CSMD1: variants seen among roughly 807,000 people sequenced by gnomAD.
CSMD1 encodes the protein CUB and Sushi multiple domains 1.
Under a neutral mutation model 417.5 loss-of-function variants are expected in CSMD1, and 213 were observed. That is an observed-to-expected ratio of 0.51 (90% CI 0.46 to 0.57). CSMD1 has a LOEUF of 0.57. Ranked by LOEUF, CSMD1 falls within the 20% of genes least tolerant of loss-of-function variation. CSMD1 has a pLI of 0.00. For missense variants in CSMD1, 6,923 were observed against 4,529.7 expected, an observed-to-expected ratio of 1.53 and a Z score of -15.17; for synonymous variants, 2,862 against 1,736.8, an observed-to-expected ratio of 1.65 and a Z score of -16.11.
intron 5 of CSMD1, among the ~76,000 whole-genome samples, chr8:3,980,821 T>A (rs758275504): frequency 1.3e-5 from 2 of 152,162 alleles, no homozygotes; most frequent in Non-Finnish European, 2.9e-5. Context: ...ACCACTAATG[T>A]CCCCACTCCC....
chr8:3,574,987 A>T lies in CSMD1; in HGVS notation c.1302T>A (p.Asn434Lys). Residue 434 changes from asparagine (N) to lysine (K), a missense_variant, in exon 10 of 70, where the codon AAT becomes AAA. Transcript: ENST00000635120. ...TGGTGATGACCCACACACAGTGTGC[A>T]TTATCTTCATACTGAACCGGATAAT... ...SPNYPVQYED[N>K]AHCVWVITTT... The T allele has an allele frequency of 1.2e-6, 2 of 1,613,146 alleles. No homozygotes were observed. Among genetic ancestry groups the T allele is most frequent in the South Asian group, 1.1e-5 (1 of 91,032 alleles).
intron 2 of CSMD1, among the ~76,000 whole-genome samples, chr8:4,491,517 C>A (rs1801700309): frequency 6.6e-6 from 1 of 152,060 alleles, no homozygotes; most frequent in Non-Finnish European, 1.5e-5. Context: ...CCTCCTTCCT[C>A]CCACATTTCA....
intron 5 of CSMD1, among the ~76,000 whole-genome samples, chr8:3,839,167 C>T (rs1802931152): frequency 8.0e-6 from 1 of 125,004 alleles, no homozygotes; most frequent in Admixed American, 1.0e-4. Context: ...TAGTCCCTCT[C>T]TCTATATATT....
chr8:3,145,012 T>C lies in CSMD1; in HGVS notation c.6032-2338A>G, dbSNP rs181570722. ...CCCACAAATCTAATAAGAATGAATCTTGTTACTAATAAGTAAACTAGAGTA... is the reference window on the plus strand; with the variant it reads ...CCCACAAATCTAATAAGAATGAATCCTGTTACTAATAAGTAAACTAGAGTA... On this transcript the variant is annotated intron_variant, in intron 40 of 69. Transcript: ENST00000635120. Among the ~76,000 whole-genome samples the C allele has an allele frequency of 4.4e-4, 67 of 152,032 alleles. 2 individuals carry two copies. The East Asian group carries it at 7.3e-3, about 17-fold the overall frequency.
chr8:3,769,313 T>C (rs1323747576), intron 5 of CSMD1, among the ~76,000 whole-genome samples: 2 of 151,996 alleles, frequency 1.3e-5, no homozygotes, highest in African/African-American at 4.8e-5. Flanking sequence ...TAAAATCATT[T>C]TGAGAAAAAT....
chr8:3,227,403 C>G (rs1403632215), intron 27 of CSMD1, among the ~76,000 whole-genome samples: 1 of 151,978 alleles, frequency 6.6e-6, no homozygotes, highest in Non-Finnish European at 1.5e-5. Flanking sequence ...ACCTCAAAAA[C>G]AAAACAAAAC....
At chr8:3,137,570 T>C (rs987523832) in intron 41 of CSMD1, among the ~76,000 whole-genome samples, 9 of 152,218 alleles carry the variant, frequency 5.9e-5, no homozygotes, top group African/African-American at 2.2e-4. Context: ...GTCCCTTGGC[T>C]TTTGCAGGTG....
At chr8:4,478,110 G>T (rs1800899290) in intron 2 of CSMD1, among the ~76,000 whole-genome samples, 1 of 151,994 alleles carries the variant, frequency 6.6e-6, no homozygotes, top group Admixed American at 6.6e-5. Flanking sequence ...ACCTACCCCT[G>T]GCTGTTACGT....
At chr8:4,924,319 T>A (rs138951947) in intron 1 of CSMD1, among the ~76,000 whole-genome samples, 1 of 152,256 alleles carries the variant, frequency 6.6e-6, no homozygotes, top group African/African-American at 2.4e-5. Context: ...ATTATGTTCA[T>A]GTAAAATGAA....
At chr8:4,277,303 C>T (rs950410116) in intron 3 of CSMD1, among the ~76,000 whole-genome samples, 1 of 151,880 alleles carries the variant, frequency 6.6e-6, no homozygotes, top group Non-Finnish European at 1.5e-5. Context: ...CTTAAAAATC[C>T]ACTGAAGGGA....
intron 3 of CSMD1, among the ~76,000 whole-genome samples, chr8:4,369,238 A>G (rs1328861581): frequency 6.6e-6 from 1 of 152,114 alleles, no homozygotes; most frequent in African/African-American, 2.4e-5. Context: ...TTCAACTTCC[A>G]TGTAATTGTA....
intron 1 of CSMD1, among the ~76,000 whole-genome samples, chr8:4,963,734 A>T (rs985935428): frequency 6.6e-6 from 1 of 152,102 alleles, no homozygotes; most frequent in African/African-American, 2.4e-5. Context: ...TTAACACTCA[A>T]CTCAAGTTTT....
rs549301315 is a variant in CSMD1 at position 4,064,337 on chromosome 8, G to C, written c.416-32238C>G. 5.9e-5 allele frequency among the ~76,000 whole-genome samples: 9 copies of C among 152,274 alleles called. No homozygotes were observed. In the South Asian group the frequency reaches 1.9e-3, roughly 32 times the overall value. ...TCCATATGGTGTTTCATAGTCACCTGCTCTCTTTCACAAATTGTATCTCTG... is the reference window on the plus strand; with the variant it reads ...TCCATATGGTGTTTCATAGTCACCTCCTCTCTTTCACAAATTGTATCTCTG... On this transcript the variant is annotated intron_variant, in intron 3 of 69. Coordinates refer to ENST00000635120, the MANE Select transcript of CSMD1 (RefSeq NM_033225.6).
intron 26 of CSMD1, among the ~76,000 whole-genome samples, chr8:3,253,505 G>C (rs147704110): frequency 0.085 from 12,950 of 152,150 alleles, 636 homozygotes; most frequent in Admixed American, 0.13. Flanking sequence ...TGTATATTCT[G>C]TTGATTTGGG....
intron 18 of CSMD1, among the ~76,000 whole-genome samples, chr8:3,371,800 A>C (rs1467574282): frequency 6.6e-6 from 1 of 152,218 alleles, no homozygotes; most frequent in Non-Finnish European, 1.5e-5. Flanking sequence ...TTTTAAAATA[A>C]TTTCTAGAAT....
At chr8:3,765,715 C>A (rs1275151537) in intron 5 of CSMD1, among the ~76,000 whole-genome samples, 1 of 152,204 alleles carries the variant, frequency 6.6e-6, no homozygotes, top group Non-Finnish European at 1.5e-5. Flanking sequence ...ATCAGCACTG[C>A]AGCCTTGCAG....
intron 6 of CSMD1, among the ~76,000 whole-genome samples, chr8:3,714,925 G>T (rs552462877): frequency 6.6e-6 from 1 of 152,062 alleles, no homozygotes; most frequent in South Asian, 2.1e-4. Context: ...GGTTTACATT[G>T]TTTCGCTTTT....
intron 3 of CSMD1, among the ~76,000 whole-genome samples, chr8:4,161,023 T>C (rs1362890430): frequency 6.6e-6 from 1 of 152,134 alleles, no homozygotes; most frequent in Non-Finnish European, 1.5e-5. Context: ...CTGGTTTGCA[T>C]TAAATCACGG....
intron 10 of CSMD1, among the ~76,000 whole-genome samples, chr8:3,497,390 G>C (rs553613974): frequency 2.0e-5 from 3 of 150,042 alleles, no homozygotes; most frequent in Admixed American, 1.3e-4. Context: ...TTTTACATTT[G>C]TTTCACTTTC....
Sources: gnomAD v4.1 joint callset for allele counts (sites outside exome capture counted in the v4.1 genomes callset) on GRCh38, gnomAD v4.1.1 for gene constraint, MANE v1.5 for transcripts, NCBI Gene and HGNC (gene_info 2026-07-23, HGNC 2026-07-21) for gene names.